The following ADGRL2 variants were observed in gnomAD, a reference collection of about 807,000 sequenced individuals.
The protein encoded by ADGRL2 is calcium-independent alpha-latrotoxin receptor 2.
A neutral mutation model predicts 157.4 loss-of-function variants in ADGRL2; 44 were observed. The ratio of observed to expected loss-of-function variants is 0.28; its 90% CI spans 0.22 to 0.36. The LOEUF is 0.36. Ranked by LOEUF, ADGRL2 falls within the 10% of genes least tolerant of loss-of-function variation. ADGRL2 has a pLI of 1.00. For synonymous variants in ADGRL2, 585 were observed against 624.7 expected (o/e 0.94, Z 0.95); for missense variants, 1,510 against 1,768.9 (o/e 0.85, Z 2.63).
chr1:81,457,194 C>G (rs1163023584), intron 2 of ADGRL2, among the ~76,000 whole-genome samples: 1 of 151,972 alleles, frequency 6.6e-6, no homozygotes, highest in Non-Finnish European at 1.5e-5. Flanking sequence ...TTTCCTAAAC[C>G]TTTCCCTTTC....
chr1:81,560,572 C>T (rs2080417197), intron 2 of ADGRL2, among the ~76,000 whole-genome samples: 1 of 152,066 alleles, frequency 6.6e-6, no homozygotes, highest in Admixed American at 6.6e-5. Flanking sequence ...ACATCTTTTT[C>T]TGTTGAATAG....
In ADGRL2 at chr1:81,483,635, C is replaced by T. The variant is rs369795105; in HGVS notation, c.-248+38546C>T. Among the ~76,000 whole-genome samples, 12 of 152,170 alleles carry T rather than the reference C, an allele frequency of 7.9e-5. No homozygotes were observed. The East Asian group carries it at 1.9e-3, about 24-fold the overall frequency. ...AACAGAATCAAGAATCCGGGCATGG[C>T]GAAAGTCTTCACAATTCCAAATACT... On this transcript the variant is annotated intron_variant, in intron 2 of 24. Transcript: ENST00000370721.
intron 3 of ADGRL2, among the ~76,000 whole-genome samples, chr1:81,683,687 G>GTA (rs1363410795): frequency 3.3e-3 from 503 of 151,652 alleles, no homozygotes; most frequent in African/African-American, 0.011. Context: ...ATGTACGTAT[G>GTA]TATATATATA....
intron 2 of ADGRL2, among the ~76,000 whole-genome samples, chr1:81,490,839 T>G (rs1049368593): frequency 2.0e-5 from 3 of 152,198 alleles, no homozygotes; most frequent in Non-Finnish European, 2.9e-5. Context: ...TGCACAAGAA[T>G]GTACATAGCA....
At chr1:81,525,102 A>G (rs1315460502) in intron 2 of ADGRL2, among the ~76,000 whole-genome samples, 1 of 152,154 alleles carries the variant, frequency 6.6e-6, no homozygotes, top group Non-Finnish European at 1.5e-5. Context: ...TTCAAAAAAT[A>G]AACTAAAATA....
chr1:81,664,640 AC>A (rs2082719850), intron 3 of ADGRL2, among the ~76,000 whole-genome samples: 1 of 152,220 alleles, frequency 6.6e-6, no homozygotes, highest in African/African-American at 2.4e-5. Flanking sequence ...GAAAGAACAC[AC>A]GCTGAAGTTT....
At chr1:81,356,317 A>G (rs1663283080) in intron 1 of ADGRL2, among the ~76,000 whole-genome samples, 1 of 152,226 alleles carries the variant, frequency 6.6e-6, no homozygotes, top group African/African-American at 2.4e-5. Flanking sequence ...TTCAGAGAAG[A>G]TTCTCAATTC....
At chr1:81,702,852 A>G (rs903633871) in intron 1 of ADGRL2, among the ~76,000 whole-genome samples, 1 of 152,242 alleles carries the variant, frequency 6.6e-6, no homozygotes, top group Non-Finnish European at 1.5e-5. Context: ...TTCACAGATG[A>G]TGCAAGTAAT....
intron 3 of ADGRL2, among the ~76,000 whole-genome samples, chr1:81,610,875 T>C (rs1293899880): frequency 2.6e-5 from 4 of 152,198 alleles, no homozygotes; most frequent in Admixed American, 2.6e-4. Context: ...AGATTGCTTG[T>C]GGTACCATCT....
chr1:81,739,486 G>C (rs900350890), intron 1 of ADGRL2, among the ~76,000 whole-genome samples: 1 of 152,106 alleles, frequency 6.6e-6, no homozygotes, highest in African/African-American at 2.4e-5. Flanking sequence ...CCCTGGCCTG[G>C]AGCAGGCAGA....
chr1:81,896,365 G>A (rs1248534011), intron 2 of ADGRL2, among the ~76,000 whole-genome samples: 2 of 152,108 alleles, frequency 1.3e-5, no homozygotes, highest in African/African-American at 2.4e-5. Flanking sequence ...GTGGGAGGGG[G>A]ACGGAGACTC....
At chr1:81,938,511 A>G (rs1464629569) in intron 4 of ADGRL2, among the ~76,000 whole-genome samples, 5 of 151,798 alleles carry the variant, frequency 3.3e-5, no homozygotes, top group South Asian at 4.1e-4. Flanking sequence ...CCCCAGAAGT[A>G]TTGTACGTTG....
At chr1:81,318,388 G>C (rs556483712) in intron 1 of ADGRL2, among the ~76,000 whole-genome samples, 60 of 152,118 alleles carry the variant, frequency 3.9e-4, no homozygotes, top group Non-Finnish European at 4.9e-4. Context: ...TCTAAAGTCA[G>C]GCTGTGCCAT....
chr1:81,707,772 G>A (rs1033260597), intron 1 of ADGRL2, among the ~76,000 whole-genome samples: 2 of 151,950 alleles, frequency 1.3e-5, no homozygotes, highest in African/African-American at 4.8e-5. Flanking sequence ...TGCCCTATTC[G>A]AATACTTTTT....
intron 3 of ADGRL2, among the ~76,000 whole-genome samples, chr1:81,655,819 GT>G (rs2082522465): frequency 4.2e-5 from 1 of 24,060 alleles, no homozygotes; most frequent in Non-Finnish European, 1.3e-4. Flanking sequence ...TGGCTCTTAT[GT>G]GTGTGTGTGA....
intron 3 of ADGRL2, among the ~76,000 whole-genome samples, chr1:81,936,194 T>C (rs932998390): frequency 2.6e-5 from 4 of 151,924 alleles, no homozygotes; most frequent in African/African-American, 9.7e-5. Context: ...CCAGAAAGTA[T>C]GTACAATGAA....
intron 3 of ADGRL2, among the ~76,000 whole-genome samples, chr1:81,655,787 G>A (rs188877383): frequency 3.4e-5 from 5 of 148,236 alleles, no homozygotes; most frequent in East Asian, 2.0e-4. Context: ...ATCTCCCTCC[G>A]CCCAAATGGA....
In ADGRL2 at chr1:81,505,108, T is replaced by A. The variant is rs533886777; in HGVS notation, c.-248+60019T>A. 3.5e-5 allele frequency: 15 copies of A among 429,650 alleles called. No individual in the cohort carries two copies. The East Asian group carries it at 5.3e-4, about 15-fold the overall frequency. The allele number at this position is 429,650 out of a possible 1,614,324, so 26.6% of individuals were successfully genotyped here. On this transcript the variant is annotated intron_variant, in intron 2 of 24. Transcript: ENST00000370721. ...TAGGAGAGGAAAGGGAATCAAAAGC[T>A]TGAGCACAAACAGATACCTCAGCCC...
At chr1:81,351,791 C>T (rs1480936857) in intron 1 of ADGRL2, among the ~76,000 whole-genome samples, 1 of 152,152 alleles carries the variant, frequency 6.6e-6, no homozygotes, top group Non-Finnish European at 1.5e-5. Context: ...TTTTTAAGAA[C>T]CTGAATGACT....
Sources: allele counts gnomAD v4.1 joint callset (sites outside exome capture counted in the v4.1 genomes callset), GRCh38; gene constraint gnomAD v4.1.1; transcripts MANE v1.5; gene names NCBI Gene and HGNC (gene_info 2026-07-23, HGNC 2026-07-21).